LINGO2: variants seen among roughly 807,000 people sequenced by gnomAD.
The protein encoded by LINGO2 is leucine-rich repeat and immunoglobulin-like domain-containing nogo receptor-interacting protein 2.
In LINGO2, 14 loss-of-function variants were observed where a neutral mutation model predicts 30.6. The observed-to-expected ratio is 0.46, with a 90% CI of 0.30 to 0.72. The LOEUF (loss-of-function observed/expected upper bound fraction) is 0.72, where lower values mean the gene tolerates loss of function less well. LINGO2 is among the 30% of genes least tolerant of loss of function. The probability of loss-of-function intolerance (pLI) is 0.07; values close to 1 mark genes in which losing one functional copy is unlikely to be tolerated. For synonymous variants in LINGO2, 317 were observed against 288.5 expected (o/e 1.10, Z -1.00); for missense variants, 729 against 751.7 (o/e 0.97, Z 0.35).
chr9:28,516,328 C>T (rs1341211316), intron 1 of LINGO2, among the ~76,000 whole-genome samples: 3 of 152,140 alleles, frequency 2.0e-5, no homozygotes, highest in Admixed American at 2.0e-4. Context: ...TGTGATACTT[C>T]ACTCTCTTTA....
At chr9:29,136,619 G>A in the LINGO2 span, among the ~76,000 whole-genome samples, 1 of 151,982 alleles carries the variant, frequency 6.6e-6, no homozygotes, top group African/African-American at 2.4e-5. Flanking sequence ...CTCCTTTCTG[G>A]ATGGTTCTTC....
At chr9:28,413,404 A>G (rs1822846366) in intron 2 of LINGO2, among the ~76,000 whole-genome samples, 1 of 152,102 alleles carries the variant, frequency 6.6e-6, no homozygotes, top group Non-Finnish European at 1.5e-5. Context: ...TCCTTTCCCC[A>G]TAAAATAAAC....
intron 4 of LINGO2, among the ~76,000 whole-genome samples, chr9:28,046,131 A>G (rs988051441): frequency 4.6e-5 from 7 of 152,220 alleles, no homozygotes; most frequent in African/African-American, 1.4e-4. Flanking sequence ...GAAGCCATTT[A>G]TTGGCTAAAA....
At chr9:28,882,835 C>A in the LINGO2 span, among the ~76,000 whole-genome samples, 1 of 152,134 alleles carries the variant, frequency 6.6e-6, no homozygotes, top group African/African-American at 2.4e-5. Flanking sequence ...AATGTCTCTG[C>A]AATGTATCCT....
chr9:29,185,302 TCAAGGGGTGGGAAATA>T, the LINGO2 span, among the ~76,000 whole-genome samples: 1 of 152,050 alleles, frequency 6.6e-6, no homozygotes, highest in Non-Finnish European at 1.5e-5. Flanking sequence ...AAAGTAAGTC[TCAAGGGGTGGGAAATA>T]ATTCCACCCC....
chr9:28,792,889 A>G, the LINGO2 span, among the ~76,000 whole-genome samples: 1 of 152,166 alleles, frequency 6.6e-6, no homozygotes, highest in South Asian at 2.1e-4. Flanking sequence ...TGAATGCTGG[A>G]AACTCATACT....
chr9:28,750,725 T>TTTTTTACCG, the LINGO2 span, among the ~76,000 whole-genome samples: 1 of 151,994 alleles, frequency 6.6e-6, no homozygotes, highest in Non-Finnish European at 1.5e-5. Context: ...GTGGAGAAAA[T>TTTTTTACCG]CATTTTACCG....
intron 3 of LINGO2, among the ~76,000 whole-genome samples, chr9:28,367,567 C>G (rs1820726292): frequency 6.6e-6 from 1 of 151,880 alleles, no homozygotes; most frequent in South Asian, 2.1e-4. Context: ...GAGTATTGCT[C>G]CATGGAATTC....
the LINGO2 span, among the ~76,000 whole-genome samples, chr9:28,779,269 T>C: frequency 6.6e-6 from 1 of 152,280 alleles, no homozygotes; most frequent in East Asian, 1.9e-4. Context: ...CCATGATTGA[T>C]AGGTTAGCAC....
At chr9:28,564,141 T>C (rs949018504) in intron 1 of LINGO2, among the ~76,000 whole-genome samples, 11 of 152,084 alleles carry the variant, frequency 7.2e-5, no homozygotes. Flanking sequence ...AAAAGAATTG[T>C]GGGGAAAAGT....
intron 1 of LINGO2, among the ~76,000 whole-genome samples, chr9:28,665,121 A>AGGT (rs1427852567): frequency 6.6e-6 from 1 of 150,466 alleles, no homozygotes; most frequent in African/African-American, 2.4e-5. Flanking sequence ...AGGCCAAAAA[A>AGGT]GGTGGTGGAA....
chr9:28,664,869 C>T (rs1828730963), intron 1 of LINGO2, among the ~76,000 whole-genome samples: 2 of 151,588 alleles, frequency 1.3e-5, no homozygotes, highest in South Asian at 2.1e-4. Context: ...TTTAACTGAG[C>T]ACTTATTACT....
At chr9:28,858,191 C>T in the LINGO2 span, among the ~76,000 whole-genome samples, 5 of 152,028 alleles carry the variant, frequency 3.3e-5, no homozygotes, top group East Asian at 5.8e-4. Flanking sequence ...CTAAAGATTT[C>T]GCTTCTCTGG....
the LINGO2 span, among the ~76,000 whole-genome samples, chr9:28,734,278 T>C: frequency 1.3e-5 from 2 of 152,168 alleles, no homozygotes; most frequent in South Asian, 4.1e-4. Flanking sequence ...ATAGACAGCA[T>C]GGATATGCTG....
At chr9:28,207,555 C>T (rs1319465230) in intron 4 of LINGO2, among the ~76,000 whole-genome samples, 2 of 151,958 alleles carry the variant, frequency 1.3e-5, no homozygotes, top group East Asian at 3.9e-4. Context: ...TAAAAAAAGT[C>T]TCCTCTCTCA....
chr9:28,847,525 C>G, the LINGO2 span, among the ~76,000 whole-genome samples: 1 of 146,636 alleles, frequency 6.8e-6, no homozygotes, highest in South Asian at 2.2e-4. Flanking sequence ...TGCCTTTCAT[C>G]CCCATGGAGC....
the LINGO2 span, among the ~76,000 whole-genome samples, chr9:28,911,346 T>C: frequency 6.6e-6 from 1 of 152,070 alleles, no homozygotes; most frequent in Admixed American, 6.6e-5. Context: ...CATATTGTCT[T>C]TTCTTTATTT....
intron 4 of LINGO2, among the ~76,000 whole-genome samples, chr9:28,224,957 A>G (rs961772234): frequency 1.3e-5 from 2 of 152,222 alleles, no homozygotes; most frequent in Admixed American, 6.5e-5. Flanking sequence ...ACCCAGAAAT[A>G]AAACCACACA....
At chr9:28,515,179 T>G (rs1820569032) in intron 1 of LINGO2, among the ~76,000 whole-genome samples, 1 of 151,644 alleles carries the variant, frequency 6.6e-6, no homozygotes. Context: ...GTTTTGACTT[T>G]CAAGTCTTAT....
Sources: allele counts gnomAD v4.1 joint callset (sites outside exome capture counted in the v4.1 genomes callset), GRCh38; gene constraint gnomAD v4.1.1; transcripts MANE v1.5; gene names NCBI Gene and HGNC (gene_info 2026-07-23, HGNC 2026-07-21).